Variants in COL21A1 observed in about 807,000 individuals in gnomAD.
COL21A1 encodes collagen alpha-1(XXI) chain.
Under a neutral mutation model 137.9 loss-of-function variants are expected in COL21A1, and 149 were observed. The observed-to-expected ratio is 1.08, with a 90% CI of 0.95 to 1.24. The LOEUF (loss-of-function observed/expected upper bound fraction) is 1.24, where lower values mean the gene tolerates loss of function less well. Ranked by LOEUF, COL21A1 falls within the 50% of genes most tolerant of loss-of-function variation. The probability of loss-of-function intolerance (pLI) is 0.00; values close to 1 mark genes in which losing one functional copy is unlikely to be tolerated. For synonymous variants in COL21A1, 456 were observed against 391.5 expected, an observed-to-expected ratio of 1.16 and a Z score of -1.95; for missense variants, 1,167 against 1,158.4, an observed-to-expected ratio of 1.01 and a Z score of -0.11.
At chr6:56,070,708 A>C in intron 21 of COL21A1, 37 bp downstream of exon 21, 1 of 1,428,526 alleles carries the variant, frequency 7.0e-7, no homozygotes, top group East Asian at 2.4e-5. Context: ...TTACATTATA[A>C]TTTCTTTGAA....
chr6:56,109,130 G>A (rs922888954), intron 16 of COL21A1, among the ~76,000 whole-genome samples: 2 of 151,432 alleles, frequency 1.3e-5, no homozygotes, highest in Admixed American at 1.3e-4. Flanking sequence ...AAAAACGAAT[G>A]TAAATGAATT....
At chr6:56,301,022 C>T (rs1764267267) in intron 1 of COL21A1, among the ~76,000 whole-genome samples, 1 of 152,128 alleles carries the variant, frequency 6.6e-6, no homozygotes, top group South Asian at 2.1e-4. Flanking sequence ...CCAATTGTTA[C>T]TCTCAAGGAG....
chr6:56,249,339 T>C (rs1782794298), upstream of COL21A1, among the ~76,000 whole-genome samples: 1 of 152,194 alleles, frequency 6.6e-6, no homozygotes, highest in South Asian at 2.1e-4. Context: ...TAGAGTTAAC[T>C]TATAACCTGA....
chr6:56,260,653 A>AGAG (rs1562028875), intron 1 of COL21A1, among the ~76,000 whole-genome samples: 9 of 42,518 alleles, frequency 2.1e-4, no homozygotes, highest in Non-Finnish European at 3.5e-4. Flanking sequence ...GGAAGGAAGG[A>AGAG]AGGAATGAAG....
chr6:56,128,694 G>A (rs12201514), intron 12 of COL21A1, among the ~76,000 whole-genome samples: 22,866 of 152,054 alleles, frequency 0.15, 1,757 homozygotes, highest in Middle Eastern at 0.22. Context: ...TCGCTCTTTC[G>A]CCCAGGCTGG....
At position 56,192,378 on chromosome 6, in the gene COL21A1, C is replaced by A. The variant is rs570242917; in HGVS notation, c.-38-9722G>T. 3.9e-3 allele frequency among the ~76,000 whole-genome samples: 591 copies of A among 151,486 alleles called. 3 individuals carry two copies. Among genetic ancestry groups the A allele is most frequent in the African/African-American group, 0.013 (540 of 41,328 alleles). ...ATCTAATTAAACTAAAGAGCTTCTG[C>A]AAAGAAAAAGAAACTACCATCAGAA... On this transcript the variant is annotated intron_variant, in intron 1 of 29. Transcript: ENST00000244728.
At chr6:56,300,420 G>A (rs1764254158) in intron 1 of COL21A1, among the ~76,000 whole-genome samples, 1 of 151,944 alleles carries the variant, frequency 6.6e-6, no homozygotes, top group South Asian at 2.1e-4. Context: ...TTTATTAAAT[G>A]CTTACTTTAT....
At chr6:56,278,491 C>A (rs1400850913) in intron 1 of COL21A1, among the ~76,000 whole-genome samples, 2 of 152,196 alleles carry the variant, frequency 1.3e-5, no homozygotes, top group Non-Finnish European at 2.9e-5. Flanking sequence ...GCATACCCCA[C>A]CATTCCCCAA....
At chr6:56,283,874 A>ACACT (rs375116485) in intron 1 of COL21A1, among the ~76,000 whole-genome samples, 16,909 of 146,012 alleles carry the variant, frequency 0.12, 1,504 homozygotes, top group African/African-American at 0.26. Flanking sequence ...TCACACACAC[A>ACACT]CTCTCTCTCT....
intron 1 of COL21A1, among the ~76,000 whole-genome samples, chr6:56,206,392 G>A (rs375364874): frequency 1.0e-3 from 156 of 150,288 alleles, no homozygotes; most frequent in African/African-American, 3.7e-3. Flanking sequence ...AAGAGACAAA[G>A]AAGGGCATTA....
At chr6:56,067,584 C>T (rs1766378690) in intron 22 of COL21A1, among the ~76,000 whole-genome samples, 1 of 151,604 alleles carries the variant, frequency 6.6e-6, no homozygotes, top group Admixed American at 6.6e-5. Context: ...TTTAATTTCC[C>T]AGAAAGGAGA....
At chr6:56,088,763 G>GA (rs911611411) in intron 17 of COL21A1, among the ~76,000 whole-genome samples, 1 of 151,984 alleles carries the variant, frequency 6.6e-6, no homozygotes, top group Non-Finnish European at 1.5e-5. Context: ...ACTAAACAAT[G>GA]AAAAATACGC....
chr6:56,291,711 G>T (rs1764050153), intron 1 of COL21A1, among the ~76,000 whole-genome samples: 1 of 152,226 alleles, frequency 6.6e-6, no homozygotes, highest in Non-Finnish European at 1.5e-5. Context: ...GTACTATACT[G>T]TGAAAAGTCC....
chr6:56,192,751 G>A (rs188370917), intron 1 of COL21A1, among the ~76,000 whole-genome samples: 358 of 152,286 alleles, frequency 2.4e-3, no homozygotes, highest in African/African-American at 8.1e-3. Context: ...GTGTAAATTA[G>A]TTCAACCATT....
chr6:56,097,997 A>AAATG (rs1562189237), intron 17 of COL21A1, among the ~76,000 whole-genome samples: 116 of 2,126 alleles, frequency 0.055, 14 homozygotes, highest in Non-Finnish European at 0.097. Context: ...ATATATGTAA[A>AAATG]TATATAAATA....
At chr6:56,171,195 G>A in intron 3 of COL21A1, 67 bp from the exon 4 acceptor site, 10 of 1,072,260 alleles carry the variant, frequency 9.3e-6, no homozygotes, top group Admixed American at 2.5e-5. Context: ...AAAAATCAAG[G>A]GAGAAATACT....
chr6:56,226,312 A>G (rs1184183662), intron 1 of COL21A1, among the ~76,000 whole-genome samples: 1 of 152,056 alleles, frequency 6.6e-6, no homozygotes, highest in Non-Finnish European at 1.5e-5. Context: ...AGAGCAAAGT[A>G]ACTTTTTACA....
chr6:56,171,494 C>T (rs934160961), intron 3 of COL21A1, among the ~76,000 whole-genome samples: 5 of 151,948 alleles, frequency 3.3e-5, no homozygotes, highest in African/African-American at 4.8e-5. Flanking sequence ...TTATCATTCT[C>T]ATCCAGGATT....
chr6:56,314,272 C>T (rs1010983056), intron 1 of COL21A1, among the ~76,000 whole-genome samples: 1 of 152,114 alleles, frequency 6.6e-6, no homozygotes, highest in Non-Finnish European at 1.5e-5. Context: ...CGTGAGCCAC[C>T]GCACCTGGCC....
Sources: gnomAD v4.1 joint callset for allele counts (sites outside exome capture counted in the v4.1 genomes callset) on GRCh38, gnomAD v4.1.1 for gene constraint, MANE v1.5 for transcripts, NCBI Gene and HGNC (gene_info 2026-07-23, HGNC 2026-07-21) for gene names.